The following NXNL2 variants were observed in gnomAD, a reference collection of about 807,000 sequenced individuals.
NXNL2 encodes the protein nucleoredoxin-like protein 2.
A neutral mutation model predicts 11.1 loss-of-function variants in NXNL2; 7 were observed. That is an observed-to-expected ratio of 0.63 (90% CI 0.36 to 1.18). The LOEUF is 1.18. Among genes scored for constraint, NXNL2 ranks in the 50% most tolerant of loss-of-function variants. The pLI, the probability that NXNL2 is intolerant of heterozygous loss-of-function variation, is 0.02. For synonymous variants in NXNL2, 109 were observed against 101.8 expected (o/e 1.07, Z -0.42); for missense variants, 233 against 217.7 (o/e 1.07, Z -0.44).
chr9:88,573,933 C>T (rs1830311696), intron 2 of NXNL2, among the ~76,000 whole-genome samples: 1 of 152,192 alleles, frequency 6.6e-6, no homozygotes, highest in African/African-American at 2.4e-5. Flanking sequence ...TACCACCTCC[C>T]TGCCACTAGC....
chr9:88,579,722 C>G (rs77631716), downstream of NXNL2, among the ~76,000 whole-genome samples: 2 of 152,062 alleles, frequency 1.3e-5, no homozygotes, highest in Admixed American at 1.3e-4. Context: ...AAATAAACTC[C>G]GCAATGAAAA....
At chr9:88,551,997 G>A (rs113357480) in intron 1 of NXNL2, among the ~76,000 whole-genome samples, 62 of 152,306 alleles carry the variant, frequency 4.1e-4, no homozygotes, top group African/African-American at 1.5e-3. Flanking sequence ...ATGTGGAGGT[G>A]GGAGGGAGCC....
intron 1 of NXNL2, among the ~76,000 whole-genome samples, chr9:88,581,548 C>T (rs1378240222): frequency 6.6e-6 from 1 of 152,180 alleles, no homozygotes; most frequent in Non-Finnish European, 1.5e-5. Flanking sequence ...AGCGATTCTC[C>T]CGCCTCAGCC....
At chr9:88,573,123 T>C (rs756471089) in intron 2 of NXNL2, among the ~76,000 whole-genome samples, 15 of 151,710 alleles carry the variant, frequency 9.9e-5, no homozygotes, top group South Asian at 2.1e-4. Context: ...GTTCCTATGA[T>C]TGATTGAAGG....
rs1223375335 is a variant in NXNL2 at position 88,535,242 on chromosome 9, G to T, written c.-193G>T. On this transcript the variant is annotated 5_prime_UTR_variant, in exon 1 of 2. Coordinates refer to ENST00000375854, the MANE Select transcript of NXNL2 (RefSeq NM_001161625.2). ...TCTGGTGTCTGAGTGTCTCATTGTC[G>T]GCGCGAACACAATTGCTCCAGCCAC... 10 of 566,784 alleles carry T rather than the reference G, an allele frequency of 1.8e-5. No homozygotes were observed. Among genetic ancestry groups the T allele is most frequent in the Non-Finnish European group, 3.1e-6 (1 of 327,332 alleles). 35.1% of individuals were successfully genotyped at this position (566,784 alleles called of 1,614,324 possible). A position where few individuals can be genotyped will look rare whatever the true frequency, so the allele number is the denominator to read the frequency against.
downstream of NXNL2, among the ~76,000 whole-genome samples, chr9:88,546,822 T>C (rs573475453): frequency 3.3e-5 from 5 of 152,304 alleles, no homozygotes; most frequent in South Asian, 1.0e-3. Flanking sequence ...TTTCTACAAG[T>C]GCCTTGTGCC....
rs1829574928 is a variant in NXNL2, at chr9:88,535,215, T to G, written c.-220T>G. Reference sequence around the variant, plus strand: ...CGCGCTGTCGCCCAGGTATCTGGGGTCTCTGGTGTCTGAGTGTCTCATTGT... The same window carrying G: ...CGCGCTGTCGCCCAGGTATCTGGGGGCTCTGGTGTCTGAGTGTCTCATTGT... On this transcript the variant is annotated 5_prime_UTR_variant, in exon 1 of 2. Transcript: ENST00000375854. 2 of 538,882 alleles carry G rather than the reference T, an allele frequency of 3.7e-6. No homozygotes were observed. The highest frequency in any genetic ancestry group is 5.1e-5 in the South Asian group (2 of 39,460). The allele number at this position is 538,882 out of a possible 1,614,324, so 33.4% of individuals were successfully genotyped here.
At chr9:88,577,637 G>GAGAA (rs1830363403), downstream of NXNL2, among the ~76,000 whole-genome samples, 1 of 151,486 alleles carries the variant, frequency 6.6e-6, no homozygotes, top group African/African-American at 2.4e-5. Context: ...GAGAGAGAGA[G>GAGAA]AGAGAGAGAA....
chr9:88,568,783 C>CTTCTGAA (rs774633350), intron 1 of NXNL2, among the ~76,000 whole-genome samples: 1 of 152,084 alleles, frequency 6.6e-6, no homozygotes, highest in Non-Finnish European at 1.5e-5. Flanking sequence ...AGAAGAGAAT[C>CTTCTGAA]CTGTTGTTTT....
chr9:88,563,421 T>G (rs1293950431), intron 1 of NXNL2, among the ~76,000 whole-genome samples: 1 of 152,260 alleles, frequency 6.6e-6, no homozygotes, highest in Non-Finnish European at 1.5e-5. Context: ...CAGTGCCTGC[T>G]GTTCTTCACG....
At chr9:88,557,400 G>T (rs1176366121) in intron 1 of NXNL2, among the ~76,000 whole-genome samples, 4 of 152,146 alleles carry the variant, frequency 2.6e-5, no homozygotes, top group Non-Finnish European at 5.9e-5. Flanking sequence ...TTTTCCTAGT[G>T]GAGGCTCCTG....
chr9:88,571,600 A>G (rs1434936145), intron 2 of NXNL2, among the ~76,000 whole-genome samples: 2 of 152,208 alleles, frequency 1.3e-5, no homozygotes, highest in African/African-American at 4.8e-5. Context: ...TGGAGTGGGC[A>G]GGGAATCTTG....
intron 1 of NXNL2, among the ~76,000 whole-genome samples, chr9:88,557,080 C>CAAAAAA (rs150400954): frequency 7.2e-4 from 40 of 55,516 alleles, no homozygotes; most frequent in East Asian, 1.6e-3. Flanking sequence ...GACTCCATCT[C>CAAAAAA]AAAAAAAAAA....
Position 88,535,699 on chromosome 9 carries a change from G to T in NXNL2, c.265G>T (p.Ala89Ser). The change falls in exon 1 of 2, where the codon GCC becomes TCC. Residue 89 changes from alanine (A) to serine (S), a missense_variant. By Grantham distance (99) the Ala-to-Ser change is moderately conservative. Transcript: ENST00000375854. Reference sequence around the variant, plus strand: ...GGACTTCATGCGCGAGCTGCATGGCGCCTGGCTGGCGCTGCCCTTCCACGA... The same window carrying T: ...GGACTTCATGCGCGAGCTGCATGGCTCCTGGCTGGCGCTGCCCTTCCACGA... ...MLDFMRELHGAWLALPFHDPY... is the reference protein window; with the variant it reads ...MLDFMRELHGSWLALPFHDPY... 1 of 1,597,398 alleles carries T rather than the reference G, an allele frequency of 6.3e-7. No individual in the cohort carries two copies. Among genetic ancestry groups the T allele is most frequent in the South Asian group, 1.1e-5 (1 of 90,114 alleles).
chr9:88,535,548 C>T lies in NXNL2; in HGVS notation c.114C>T (p.Cys38=). 6.2e-7 allele frequency: 1 copy of T among 1,603,248 alleles called. No homozygotes were observed. Among genetic ancestry groups the T allele is most frequent in the Non-Finnish European group, 8.5e-7 (1 of 1,177,538 alleles). ...VVALYFAAAR[C]APSRDFTPLL... ...CACTGTACTTCGCGGCGGCCCGGTGCGCGCCGAGCCGCGACTTCACGCCGC... is the reference window on the plus strand; with the variant it reads ...CACTGTACTTCGCGGCGGCCCGGTGTGCGCCGAGCCGCGACTTCACGCCGC... The change falls in exon 1 of 2, where the codon TGC becomes TGT. Residue 38 remains cysteine (C), a synonymous_variant. Coordinates refer to ENST00000375854, the MANE Select transcript of NXNL2 (RefSeq NM_001161625.2).
At chr9:88,581,120 T>A (rs1830404286) in intron 1 of NXNL2, among the ~76,000 whole-genome samples, 1 of 152,178 alleles carries the variant, frequency 6.6e-6, no homozygotes, top group Non-Finnish European at 1.5e-5. Flanking sequence ...TTTTTCCCTA[T>A]GTAATTAATC....
At chr9:88,555,094 G>A (rs1234999539) in intron 1 of NXNL2, among the ~76,000 whole-genome samples, 4 of 152,180 alleles carry the variant, frequency 2.6e-5, no homozygotes, top group Non-Finnish European at 4.4e-5. Context: ...ACCCTGAAAC[G>A]GGGGCTTAGC....
At chr9:88,554,267 G>T (rs2118469913) in intron 1 of NXNL2, among the ~76,000 whole-genome samples, 1 of 152,266 alleles carries the variant, frequency 6.6e-6, no homozygotes, top group Non-Finnish European at 1.5e-5. Context: ...GTGAAGTGGT[G>T]AGATCTTGGC....
At chr9:88,582,342 G>A (rs1180612737) in intron 1 of NXNL2, among the ~76,000 whole-genome samples, 5 of 152,074 alleles carry the variant, frequency 3.3e-5, no homozygotes, top group East Asian at 1.9e-4. Context: ...GGTGGCGGGC[G>A]CCTGTAGTCC....
Sources: allele counts gnomAD v4.1 joint callset (sites outside exome capture counted in the v4.1 genomes callset), GRCh38; gene constraint gnomAD v4.1.1; transcripts MANE v1.5; gene names NCBI Gene and HGNC (gene_info 2026-07-23, HGNC 2026-07-21).